GXYLT1: variants seen among roughly 807,000 people sequenced by gnomAD.
GXYLT1 encodes glycosyltransferase 8 domain containing 3.
GXYLT1 carries 29 observed loss-of-function variants against 54.0 expected under a neutral mutation model. The ratio of observed to expected loss-of-function variants is 0.54; its 90% confidence interval spans 0.40 to 0.73. The LOEUF (loss-of-function observed/expected upper bound fraction) is 0.73, where lower values mean the gene tolerates loss of function less well. Among genes scored for constraint, GXYLT1 ranks in the 30% least tolerant of loss-of-function variants. The probability of loss-of-function intolerance (pLI) is 0.00; values close to 1 mark genes in which losing one functional copy is unlikely to be tolerated. For synonymous variants in GXYLT1, 176 were observed against 204.1 expected (o/e 0.86, Z 1.17); for missense variants, 490 against 553.4 (o/e 0.89, Z 1.15).
intron 2 of GXYLT1, among the ~76,000 whole-genome samples, chr12:42,125,138 T>C (rs7305200): frequency 0.01 from 1,593 of 152,014 alleles, 26 homozygotes; most frequent in African/African-American, 0.036. Flanking sequence ...GTTTGGGAAA[T>C]GATGAGTACA....
At chr12:42,136,146 TAA>T (rs1290677412) in intron 1 of GXYLT1, among the ~76,000 whole-genome samples, 7 of 152,226 alleles carry the variant, frequency 4.6e-5, no homozygotes, top group Non-Finnish European at 7.3e-5. Context: ...GAGATTTAGA[TAA>T]AGAGTAGAAA....
rs2065302221 is a variant in GXYLT1 at position 42,087,503 on chromosome 12, A to C, written c.*283T>G. 3.5e-6 allele frequency: 1 copy of C among 284,772 alleles called. No individual in the cohort carries two copies. The highest frequency in any genetic ancestry group is 5.4e-5 in the Admixed American group (1 of 18,412). The allele number at this position is 284,772 out of a possible 1,614,324, so 17.6% of individuals were successfully genotyped here. A position where few individuals can be genotyped will look rare whatever the true frequency, so the allele number is the denominator to read the frequency against. On this transcript the variant is annotated 3_prime_UTR_variant, in exon 8 of 8. Transcript: ENST00000398675. ...ACCACTCTTGAGAGTATGAGTCAAC[A>C]GAAGTCTGCAGGTTAAACCCATTCA... is the stretch of plus-strand genomic sequence containing the variant.
At chr12:42,141,498 C>T (rs539431464) in intron 1 of GXYLT1, among the ~76,000 whole-genome samples, 1 of 151,416 alleles carries the variant, frequency 6.6e-6, no homozygotes, top group African/African-American at 2.4e-5. Context: ...ACAAAGTGTA[C>T]AGTATACCTA....
At chr12:42,090,216 A>C (rs1173165822) in intron 7 of GXYLT1, among the ~76,000 whole-genome samples, 1 of 152,234 alleles carries the variant, frequency 6.6e-6, no homozygotes, top group African/African-American at 2.4e-5. Flanking sequence ...CTGACCTCTA[A>C]GGAAGAAGAT....
rs80066129 is a variant in GXYLT1 at position 42,084,375 on chromosome 12, T to A, written c.*3411A>T. On this transcript the variant is annotated 3_prime_UTR_variant, in exon 8 of 8. Coordinates refer to ENST00000398675, the MANE Select transcript of GXYLT1 (RefSeq NM_173601.2). ...TCTCTACTTTCTCTTCCTGAAAAAC[T>A]CTTCCTTACATAAACAAATTCATAC... The A allele has an allele frequency of 0.15, 4,396 of 29,858 alleles. No individual in the cohort carries two copies. The highest frequency in any genetic ancestry group is 0.16 in the African/African-American group (1,304 of 8,238). 1.8% of individuals were successfully genotyped at this position (29,858 alleles called of 1,614,324 possible).
At chr12:42,107,370 G>C (rs1351194094) in intron 4 of GXYLT1, among the ~76,000 whole-genome samples, 1 of 152,106 alleles carries the variant, frequency 6.6e-6, no homozygotes, top group Non-Finnish European at 1.5e-5. Context: ...AGTAGGGAAG[G>C]TTCACTTGGT....
Position 42,094,847 on chromosome 12 carries a change from C to T in GXYLT1, c.1161+2595G>A, listed in dbSNP as rs146463057. Among the ~76,000 whole-genome samples the T allele has an allele frequency of 2.9e-3, 436 of 152,164 alleles. 2 individuals are homozygous for T. Among genetic ancestry groups the T allele is most frequent in the African/African-American group, 9.3e-3 (388 of 41,524 alleles). On this transcript the variant is annotated intron_variant, in intron 7 of 7. Coordinates refer to ENST00000398675, the MANE Select transcript of GXYLT1 (RefSeq NM_173601.2). Reference sequence around the variant, plus strand: ...GGAGGAGAGGGCAAGAAAGCCCAAACGCCCTCATGGTAATAATGATGGTTG... The same window carrying T: ...GGAGGAGAGGGCAAGAAAGCCCAAATGCCCTCATGGTAATAATGATGGTTG...
intron 6 of GXYLT1, 125 bp from the exon 7 acceptor site, chr12:42,097,739 T>C (rs1290302511): frequency 9.4e-7 from 1 of 1,059,422 alleles, no homozygotes; most frequent in African/African-American, 1.6e-5. Flanking sequence ...ATGTCTGGCA[T>C]TTAGATCTCT....
chr12:42,123,964 A>G (rs908461719), intron 2 of GXYLT1, among the ~76,000 whole-genome samples: 11 of 151,692 alleles, frequency 7.3e-5, no homozygotes, highest in Admixed American at 2.6e-4. Flanking sequence ...AAAAAAAAAA[A>G]GAGTTGTGCT....
At chr12:42,133,459 T>G (rs181783014) in intron 1 of GXYLT1, among the ~76,000 whole-genome samples, 94 of 152,228 alleles carry the variant, frequency 6.2e-4, no homozygotes, top group Admixed American at 1.2e-3. Flanking sequence ...GATCTTCACG[T>G]TGTAAGAAGC....
intron 1 of GXYLT1, among the ~76,000 whole-genome samples, chr12:42,139,890 G>A (rs1255027915): frequency 6.6e-6 from 1 of 152,044 alleles, no homozygotes; most frequent in African/African-American, 2.4e-5. Context: ...CAGAAAAAAG[G>A]GGGGAAAAGG....
At chr12:42,114,898 C>T (rs974728594) in intron 3 of GXYLT1, among the ~76,000 whole-genome samples, 3 of 151,846 alleles carry the variant, frequency 2.0e-5, no homozygotes, top group Non-Finnish European at 4.4e-5. Flanking sequence ...ACTGGCAAAC[C>T]GAATCCAGCA....
At chr12:42,127,475 T>G (rs1042446549) in intron 2 of GXYLT1, among the ~76,000 whole-genome samples, 2 of 152,202 alleles carry the variant, frequency 1.3e-5, no homozygotes, top group African/African-American at 2.4e-5. Context: ...CTTACAACAT[T>G]ATGTATCCAT....
At position 42,084,820 on chromosome 12, in the gene GXYLT1, A is replaced by G. The variant is rs1164356988; in HGVS notation, c.*2966T>C. On this transcript the variant is annotated 3_prime_UTR_variant, in exon 8 of 8. Transcript: ENST00000398675. ...TGCATTTTCTTAAAGCATAAATCAC[A>G]ATATATATTTTTAAAGGTTTCCCAA... The G allele has an allele frequency of 2.0e-5, 3 of 152,298 alleles. No homozygotes were observed. The highest frequency in any genetic ancestry group is 4.4e-5 in the Non-Finnish European group (3 of 68,054). 9.4% of individuals were successfully genotyped at this position (152,298 alleles called of 1,614,324 possible).
intron 5 of GXYLT1, among the ~76,000 whole-genome samples, chr12:42,104,685 G>A (rs1044367228): frequency 1.3e-5 from 2 of 152,026 alleles, no homozygotes; most frequent in South Asian, 4.1e-4. Context: ...TATACCAAAG[G>A]TAAGAGGAAA....
At chr12:42,088,836 T>G (rs1042823533) in intron 7 of GXYLT1, among the ~76,000 whole-genome samples, 3 of 135,658 alleles carry the variant, frequency 2.2e-5, no homozygotes, top group Admixed American at 1.7e-4. Context: ...ACCAGAAATC[T>G]CCCAGGTTAT....
intron 3 of GXYLT1, among the ~76,000 whole-genome samples, chr12:42,110,088 ACATT>A (rs1284653620): frequency 6.6e-6 from 1 of 152,252 alleles, no homozygotes; most frequent in Admixed American, 6.5e-5. Context: ...AAAGATGCTT[ACATT>A]CAAAGTCAGA....
At chr12:42,093,578 T>A (rs1427614027) in intron 7 of GXYLT1, among the ~76,000 whole-genome samples, 1 of 152,152 alleles carries the variant, frequency 6.6e-6, no homozygotes, top group Admixed American at 6.5e-5. Context: ...AGTGTACAAA[T>A]GAACTGACCA....
chr12:42,105,684 T>C (rs2065414914), intron 5 of GXYLT1, 134 bp downstream of exon 5: 2 of 611,530 alleles, frequency 3.3e-6, no homozygotes, highest in South Asian at 5.1e-5. Flanking sequence ...ATATTTATAT[T>C]CTTCTAATGA....
Sources: allele counts gnomAD v4.1 joint callset (sites outside exome capture counted in the v4.1 genomes callset), GRCh38; gene constraint gnomAD v4.1.1; transcripts MANE v1.5; gene names NCBI Gene and HGNC (gene_info 2026-07-23, HGNC 2026-07-21).